Variants in CES5A observed in about 807,000 individuals in gnomAD.
CES5A encodes carboxylesterase 5A.
In CES5A, 67 loss-of-function variants were observed where a neutral mutation model predicts 62.9. The ratio of observed to expected loss-of-function variants is 1.07; its 90% CI spans 0.88 to 1.31. The LOEUF (loss-of-function observed/expected upper bound fraction) is 1.31, where lower values mean the gene tolerates loss of function less well. CES5A is among the 50% of genes most tolerant of loss of function. The pLI is 0.00. For missense variants in CES5A, 748 were observed against 708.5 expected, an observed-to-expected ratio of 1.06 and a Z score of -0.63; for synonymous variants, 296 against 280.8, an observed-to-expected ratio of 1.05 and a Z score of -0.54.
intron 1 of CES5A, among the ~76,000 whole-genome samples, chr16:55,896,345 G>A (rs1283136857): frequency 2.0e-5 from 3 of 152,064 alleles, no homozygotes; most frequent in Non-Finnish European, 4.4e-5. Context: ...ATTTGGGTAG[G>A]GACACAGCCA....
At chr16:55,952,303 A>G (rs1210592070) in intron 1 of CES5A, among the ~76,000 whole-genome samples, 2 of 152,140 alleles carry the variant, frequency 1.3e-5, no homozygotes, top group Non-Finnish European at 2.9e-5. Flanking sequence ...TCTCAAATAA[A>G]GTTCTTAGAA....
chr16:55,938,927 G>A (rs1390194180), intron 2 of CES5A, among the ~76,000 whole-genome samples: 1 of 150,384 alleles, frequency 6.6e-6, no homozygotes, highest in African/African-American at 2.5e-5. Flanking sequence ...GAAGTGGGGT[G>A]GGGGGTTGTT....
At chr16:55,877,249 T>C (rs548878751), upstream of CES5A, among the ~76,000 whole-genome samples, 3 of 152,282 alleles carry the variant, frequency 2.0e-5, no homozygotes, top group African/African-American at 7.2e-5. Flanking sequence ...TGAGAGGCTA[T>C]GGATTTATTT....
intron 2 of CES5A, among the ~76,000 whole-genome samples, chr16:55,935,886 C>T (rs1171325344): frequency 6.6e-6 from 1 of 152,014 alleles, no homozygotes; most frequent in Non-Finnish European, 1.5e-5. Context: ...CCAACTGTCT[C>T]ATCACAAAGT....
intron 2 of CES5A, among the ~76,000 whole-genome samples, chr16:55,946,003 T>G (rs1316723535): frequency 6.6e-6 from 1 of 152,166 alleles, no homozygotes; most frequent in Admixed American, 6.5e-5. Flanking sequence ...GTAAGGCACT[T>G]AGGCTCTTAA....
chr16:55,855,065 A>C (rs1416561822), intron 9 of CES5A, among the ~76,000 whole-genome samples: 1 of 152,104 alleles, frequency 6.6e-6, no homozygotes, highest in Non-Finnish European at 1.5e-5. Context: ...TTAATCCTCC[A>C]AATCCTTCTC....
At chr16:55,930,377 G>T (rs1402547323), upstream of CES5A, among the ~76,000 whole-genome samples, 1 of 152,102 alleles carries the variant, frequency 6.6e-6, no homozygotes, top group Non-Finnish European at 1.5e-5. Flanking sequence ...TGTTCCCTCT[G>T]CCTGGTACTT....
intron 1 of CES5A, among the ~76,000 whole-genome samples, chr16:55,881,760 G>A (rs1957652372): frequency 6.6e-6 from 1 of 152,198 alleles, no homozygotes; most frequent in Non-Finnish European, 1.5e-5. Context: ...AATTTGCTAG[G>A]CAGGAAGGAA....
chr16:55,876,550 C>T (rs749082798), upstream of CES5A, among the ~76,000 whole-genome samples: 1 of 152,016 alleles, frequency 6.6e-6, no homozygotes. Flanking sequence ...CCCTGACTCC[C>T]CCTCTTAGAC....
At chr16:55,854,542 T>C (rs376916799) in intron 9 of CES5A, among the ~76,000 whole-genome samples, 4 of 40,686 alleles carry the variant, frequency 9.8e-5, no homozygotes, top group South Asian at 1.1e-3. Flanking sequence ...TTTTTTTTTT[T>C]TCTTTTTTTT....
At chr16:55,862,860 A>G (rs1342683873) in intron 6 of CES5A, among the ~76,000 whole-genome samples, 1 of 152,182 alleles carries the variant, frequency 6.6e-6, no homozygotes, top group Admixed American at 6.5e-5. Flanking sequence ...GGGCATCACT[A>G]TCTAGTAGAT....
At chr16:55,890,823 A>C (rs1351389130) in intron 1 of CES5A, among the ~76,000 whole-genome samples, 1 of 152,192 alleles carries the variant, frequency 6.6e-6, no homozygotes, top group Non-Finnish European at 1.5e-5. Flanking sequence ...TATTTCGCCA[A>C]GGTTGAGGAT....
chr16:55,891,043 C>T (rs1351296002), intron 1 of CES5A, among the ~76,000 whole-genome samples: 1 of 152,068 alleles, frequency 6.6e-6, no homozygotes, highest in East Asian at 1.9e-4. Context: ...TCTGCTCCAC[C>T]CTGACTCATT....
chr16:55,881,450 A>G (rs555495551), intron 1 of CES5A, among the ~76,000 whole-genome samples: 4 of 152,318 alleles, frequency 2.6e-5, no homozygotes, highest in African/African-American at 9.6e-5. Context: ...GGTAGGAGAG[A>G]ATTTATTAGC....
At chr16:55,892,452 A>G (rs1394247398) in intron 1 of CES5A, among the ~76,000 whole-genome samples, 13 of 152,176 alleles carry the variant, frequency 8.5e-5, no homozygotes, top group Non-Finnish European at 1.6e-4. Flanking sequence ...TTTTTGGCTC[A>G]AAATAAATCT....
At chr16:55,892,729 A>G (rs1182102690) in intron 1 of CES5A, among the ~76,000 whole-genome samples, 1 of 152,088 alleles carries the variant, frequency 6.6e-6, no homozygotes, top group African/African-American at 2.4e-5. Flanking sequence ...AACAACAAAA[A>G]AAAATAGTGG....
rs74019305 is a variant in CES5A, at chr16:55,872,279, G to T, written c.279-516C>A. ...TTTGCTCAAGCCGGGCCCTTGCCTC[G>T]ACTGCTCTCTCCCTGTATCTGCGTG... On this transcript the variant is annotated intron_variant, in intron 2 of 12. Coordinates refer to ENST00000290567, the MANE Select transcript of CES5A (RefSeq NM_001143685.2). 4.8e-3 allele frequency among the ~76,000 whole-genome samples: 731 copies of T among 152,236 alleles called. 13 individuals carry two copies. Among genetic ancestry groups the T allele is most frequent in the African/African-American group, 0.016 (673 of 41,530 alleles).
intron 1 of CES5A, among the ~76,000 whole-genome samples, chr16:55,891,678 CTT>C (rs1263103445): frequency 1.3e-5 from 2 of 152,148 alleles, no homozygotes; most frequent in East Asian, 1.9e-4. Flanking sequence ...AGAGGGATGA[CTT>C]TGAATAGAAT....
At chr16:55,847,235 C>T (rs1336693956) in intron 11 of CES5A, among the ~76,000 whole-genome samples, 1 of 151,478 alleles carries the variant, frequency 6.6e-6, no homozygotes, top group Non-Finnish European at 1.5e-5. Context: ...TCTCTTCCCT[C>T]TTTTTCTTCT....
Sources: allele counts gnomAD v4.1 joint callset (sites outside exome capture counted in the v4.1 genomes callset), GRCh38; gene constraint gnomAD v4.1.1; transcripts MANE v1.5; gene names NCBI Gene and HGNC (gene_info 2026-07-23, HGNC 2026-07-21).